The following XRCC4 variants were observed in gnomAD, a reference collection of about 807,000 sequenced individuals.
XRCC4 encodes DNA repair protein XRCC4.
Under a neutral mutation model 39.1 loss-of-function variants are expected in XRCC4, and 28 were observed. The observed-to-expected ratio is 0.72, with a 90% CI of 0.53 to 0.98. The LOEUF (loss-of-function observed/expected upper bound fraction) is 0.98. XRCC4 is among the 50% of genes least tolerant of loss of function. The pLI, the probability that XRCC4 is intolerant of heterozygous loss-of-function variation, is 0.00. For synonymous variants in XRCC4, 123 were observed against 126.4 expected (o/e 0.97, Z 0.18); for missense variants, 350 against 376.4 (o/e 0.93, Z 0.58).
chr5:83,236,868 GA>G (rs199522667), intron 6 of XRCC4, among the ~76,000 whole-genome samples: 9,740 of 137,264 alleles, frequency 0.071, 931 homozygotes, highest in East Asian at 0.47. Flanking sequence ...CTCAATAGGT[GA>G]AAAAAAAAAA....
chr5:83,294,486 G>A (rs995127651), intron 7 of XRCC4, among the ~76,000 whole-genome samples: 2 of 151,898 alleles, frequency 1.3e-5, no homozygotes, highest in Non-Finnish European at 2.9e-5. Context: ...GTTAAACTTC[G>A]GTGAACTGGC....
intron 6 of XRCC4, among the ~76,000 whole-genome samples, chr5:83,206,264 A>G (rs970423353): frequency 6.6e-6 from 1 of 152,148 alleles, no homozygotes; most frequent in African/African-American, 2.4e-5. Context: ...TAGTACAACA[A>G]TTCGGTGAAG....
chr5:83,195,765 T>C lies in XRCC4; in HGVS notation c.316-5T>C, dbSNP rs569866848. The C allele has an allele frequency of 1.4e-4, 221 of 1,561,128 alleles. 1 individual carries two copies. The South Asian group carries it at 2.6e-3, about 18-fold the overall frequency. Reference sequence around the variant, plus strand: ...CAAATTAACCATGTTTTTCTTTCATTTTAGTTCAGACTTGGTTCCTTCAAC... The same window carrying C: ...CAAATTAACCATGTTTTTCTTTCATCTTAGTTCAGACTTGGTTCCTTCAAC... On this transcript the variant is annotated splice_region_variant and splice_polypyrimidine_tract_variant and intron_variant, in intron 3 of 7. Transcript: ENST00000396027.
chr5:83,138,599 A>G (rs1748014123), intron 3 of XRCC4, among the ~76,000 whole-genome samples: 2 of 152,122 alleles, frequency 1.3e-5, no homozygotes, highest in African/African-American at 4.8e-5. Context: ...ACACTTTGCT[A>G]GTATACTTTA....
intron 3 of XRCC4, among the ~76,000 whole-genome samples, chr5:83,126,674 T>C (rs528940169): frequency 6.6e-6 from 1 of 152,260 alleles, no homozygotes; most frequent in African/African-American, 2.4e-5. Flanking sequence ...GCCACCTGAA[T>C]ACTCCAGAAC....
chr5:83,189,929 T>A (rs1157854990), intron 3 of XRCC4, among the ~76,000 whole-genome samples: 1 of 152,086 alleles, frequency 6.6e-6, no homozygotes, highest in East Asian at 1.9e-4. Context: ...TCAGGAATGG[T>A]GGCAGGCACC....
chr5:83,280,149 A>G, intron 7 of XRCC4: 1 of 239,290 alleles, frequency 4.2e-6, no homozygotes, highest in South Asian at 6.7e-5. Flanking sequence ...TCTCCAAATG[A>G]TCGAGAAGTT....
chr5:83,257,849 A>C (rs1009467931), intron 6 of XRCC4, among the ~76,000 whole-genome samples: 1 of 152,232 alleles, frequency 6.6e-6, no homozygotes, highest in Non-Finnish European at 1.5e-5. Flanking sequence ...ATGGAATACT[A>C]TGCAGCCATA....
chr5:83,176,783 G>C (rs1273373945), intron 3 of XRCC4, among the ~76,000 whole-genome samples: 5 of 151,988 alleles, frequency 3.3e-5, no homozygotes, highest in African/African-American at 7.2e-5. Context: ...CAGCACACCT[G>C]GCTAATTTTC....
chr5:83,095,073 G>A (rs909078735), intron 1 of XRCC4, among the ~76,000 whole-genome samples: 1 of 152,036 alleles, frequency 6.6e-6, no homozygotes, highest in East Asian at 1.9e-4. Flanking sequence ...TCGTTGGCAG[G>A]GATAGAACTT....
intron 4 of XRCC4, among the ~76,000 whole-genome samples, chr5:83,197,159 G>GT (rs1750986964): frequency 6.6e-6 from 1 of 151,694 alleles, no homozygotes; most frequent in African/African-American, 2.4e-5. Flanking sequence ...AATCCAAACT[G>GT]TGTATCAGGA....
intron 7 of XRCC4, among the ~76,000 whole-genome samples, chr5:83,341,359 G>A (rs1291161071): frequency 6.6e-6 from 1 of 152,000 alleles, no homozygotes; most frequent in Non-Finnish European, 1.5e-5. Context: ...TGCACATATG[G>A]TATAATGTAT....
intron 7 of XRCC4, among the ~76,000 whole-genome samples, chr5:83,344,101 G>A (rs1040035192): frequency 6.8e-6 from 1 of 148,042 alleles, no homozygotes. Flanking sequence ...TATTATGTAT[G>A]TACATACACA....
chr5:83,174,976 T>C (rs1186411605), intron 3 of XRCC4, among the ~76,000 whole-genome samples: 1 of 152,216 alleles, frequency 6.6e-6, no homozygotes, highest in East Asian at 1.9e-4. Context: ...GATAGTCTGA[T>C]TAATCGTTCT....
chr5:83,179,850 A>T (rs78867892), intron 3 of XRCC4, among the ~76,000 whole-genome samples: 3,138 of 152,290 alleles, frequency 0.021, 40 homozygotes, highest in Non-Finnish European at 0.028. Context: ...GCAGGCCATA[A>T]TTATCTTTAA....
chr5:83,146,505 G>T (rs753800999), intron 3 of XRCC4, among the ~76,000 whole-genome samples: 3 of 152,114 alleles, frequency 2.0e-5, no homozygotes, highest in Non-Finnish European at 4.4e-5. Context: ...AGAGAAAATA[G>T]ATTTCTCAAA....
chr5:83,311,638 C>T (rs147912003), intron 7 of XRCC4, among the ~76,000 whole-genome samples: 1 of 151,734 alleles, frequency 6.6e-6, no homozygotes, highest in Non-Finnish European at 1.5e-5. Context: ...AAAAAATTAC[C>T]AACAAAATTT....
intron 3 of XRCC4, among the ~76,000 whole-genome samples, chr5:83,162,775 G>T (rs914486683): frequency 5.3e-5 from 8 of 152,126 alleles, no homozygotes; most frequent in African/African-American, 1.7e-4. Flanking sequence ...GGGAACAGAG[G>T]ACTTTCATCT....
At chr5:83,105,865 T>C (rs533364317) in intron 2 of XRCC4, among the ~76,000 whole-genome samples, 10 of 152,268 alleles carry the variant, frequency 6.6e-5, no homozygotes, top group African/African-American at 1.4e-4. Flanking sequence ...TTTAGAAATA[T>C]TTCTCTAGAA....
Sources: gnomAD v4.1 joint callset for allele counts (sites outside exome capture counted in the v4.1 genomes callset) on GRCh38, gnomAD v4.1.1 for gene constraint, MANE v1.5 for transcripts, NCBI Gene and HGNC (gene_info 2026-07-23, HGNC 2026-07-21) for gene names.